Variants in TNIK observed in about 807,000 individuals in gnomAD.
TNIK encodes the protein TRAF2 and NCK-interacting protein kinase.
A neutral mutation model predicts 191.3 loss-of-function variants in TNIK; 49 were observed. The observed-to-expected ratio is 0.26, with a 90% confidence interval of 0.20 to 0.32. TNIK has a LOEUF of 0.32. TNIK is among the 10% of genes least tolerant of loss of function. The pLI is 1.00. For missense variants in TNIK, 1,155 were observed against 1,702.3 expected (o/e 0.68, Z 5.66); for synonymous variants, 594 against 600.9 (o/e 0.99, Z 0.17).
Position 171,087,434 on chromosome 3 carries a change from G to C in TNIK, c.2794C>G (p.Leu932Val). ...GFAGHINLPD[L>V]VQQSHSPAGT... is the part of the protein sequence containing the mutation. ...GCTGGAGAATGGCTCTGCTGCACCA[G>C]GTCAGGGAGGTTGATGTGGCCAGCA... Residue 932 changes from leucine (L) to valine (V), a missense_variant, in exon 24 of 33, where the codon CTG becomes GTG. This residue lies in a region of TNIK where 735 missense variants were observed against 848.0 expected (regional missense o/e 0.87). Coordinates refer to ENST00000436636, the MANE Select transcript of TNIK (RefSeq NM_015028.4). 1 of 1,613,978 alleles carries C rather than the reference G, an allele frequency of 6.2e-7. No homozygotes were observed.
chr3:171,243,051 G>T (rs1577227426), intron 2 of TNIK, among the ~76,000 whole-genome samples: 1 of 152,062 alleles, frequency 6.6e-6, no homozygotes, highest in Admixed American at 6.5e-5. Flanking sequence ...TTTCAATAAG[G>T]CTCTAGGCAA....
At chr3:171,220,368 G>GTACCCCAGAACT (rs1742153123) in intron 3 of TNIK, among the ~76,000 whole-genome samples, 2 of 152,112 alleles carry the variant, frequency 1.3e-5, no homozygotes, top group Non-Finnish European at 2.9e-5. Flanking sequence ...TTCTGCACAT[G>GTACCCCAGAACT]TACCCCAGAA....
intron 1 of TNIK, among the ~76,000 whole-genome samples, chr3:171,431,116 G>T (rs770764066): frequency 2.0e-5 from 3 of 151,950 alleles, no homozygotes; most frequent in Non-Finnish European, 2.9e-5. Flanking sequence ...ATTAAGCAAA[G>T]AATCTTCTTT....
chr3:171,288,395 C>T (rs957745091), intron 2 of TNIK, among the ~76,000 whole-genome samples: 2 of 151,322 alleles, frequency 1.3e-5, no homozygotes, highest in Non-Finnish European at 1.5e-5. Flanking sequence ...CCCACAGAAA[C>T]GAACTTTCCA....
chr3:171,361,614 T>C (rs1714986109), intron 2 of TNIK, among the ~76,000 whole-genome samples: 1 of 152,086 alleles, frequency 6.6e-6, no homozygotes, highest in African/African-American at 2.4e-5. Flanking sequence ...GGAAGTAAAA[T>C]TGTTACCTTT....
chr3:171,091,401 C>T (rs977538117), intron 23 of TNIK, among the ~76,000 whole-genome samples: 17 of 152,166 alleles, frequency 1.1e-4, no homozygotes, highest in African/African-American at 4.1e-4. Context: ...TATGGCAGAT[C>T]ATGGGACTTC....
At chr3:171,191,302 C>T (rs998371141) in intron 5 of TNIK, among the ~76,000 whole-genome samples, 3 of 152,202 alleles carry the variant, frequency 2.0e-5, no homozygotes, top group Admixed American at 6.5e-5. Flanking sequence ...GGCTGGAGTG[C>T]AATGGCGTGG....
chr3:171,139,612 C>A (rs1395029532), intron 13 of TNIK, 56 bp from the exon 14 acceptor site: 1 of 1,574,042 alleles, frequency 6.4e-7, no homozygotes, highest in Admixed American at 1.7e-5. Flanking sequence ...GAGAAATGAA[C>A]CAGTAATTTC....
chr3:171,128,887 CAAA>C lies in TNIK; in HGVS notation c.1609-12_1609-10del, dbSNP rs59293515. On this transcript the variant is annotated splice_polypyrimidine_tract_variant and intron_variant, in intron 15 of 32. Coordinates refer to ENST00000436636, the MANE Select transcript of TNIK (RefSeq NM_015028.4). Reference sequence around the variant, plus strand: ...CTTGACCGTTCTTCTACCTACAACCCAAAAAAAAAAAAAAAAAAAAGACAGCCT... The same window carrying C: ...CTTGACCGTTCTTCTACCTACAACCCAAAAAAAAAAAAAAAAAGACAGCCT... 9,103 of 1,214,948 alleles carry C rather than the reference CAAA, an allele frequency of 7.5e-3. No homozygotes were observed. The highest frequency in any genetic ancestry group is 0.019 in the East Asian group (619 of 32,316). The allele number at this position is 1,214,948 out of a possible 1,614,324, so 75.3% of individuals were successfully genotyped here.
At chr3:171,431,288 T>C (rs576062692) in intron 1 of TNIK, among the ~76,000 whole-genome samples, 1 of 152,290 alleles carries the variant, frequency 6.6e-6, no homozygotes, top group East Asian at 1.9e-4. Flanking sequence ...GCAAACAGAA[T>C]ACAGTGGTAG....
intron 1 of TNIK, among the ~76,000 whole-genome samples, chr3:171,370,920 A>G (rs902952): frequency 0.85 from 129,738 of 152,112 alleles, 55,905 homozygotes; most frequent in Non-Finnish European, 0.92. Flanking sequence ...ACACTTACAT[A>G]AGAGCAATGC....
intron 32 of TNIK, among the ~76,000 whole-genome samples, chr3:171,064,483 TTAAA>T (rs1718172839): frequency 6.6e-6 from 1 of 152,170 alleles, no homozygotes; most frequent in Non-Finnish European, 1.5e-5. Flanking sequence ...GATAAAAACA[TTAAA>T]TAGTGTGGTC....
At chr3:171,456,181 T>C (rs1190791543) in intron 1 of TNIK, among the ~76,000 whole-genome samples, 1 of 152,190 alleles carries the variant, frequency 6.6e-6, no homozygotes, top group Non-Finnish European at 1.5e-5. Flanking sequence ...CTTGAATGCC[T>C]TACCCTGTGG....
At chr3:171,257,694 T>C (rs995294419) in intron 2 of TNIK, among the ~76,000 whole-genome samples, 2 of 152,182 alleles carry the variant, frequency 1.3e-5, no homozygotes, top group Non-Finnish European at 1.5e-5. Flanking sequence ...AAAAGCACTG[T>C]CCGCCAAGAT....
intron 2 of TNIK, among the ~76,000 whole-genome samples, chr3:171,236,445 C>T (rs1744279316): frequency 6.6e-6 from 1 of 152,130 alleles, no homozygotes; most frequent in African/African-American, 2.4e-5. Flanking sequence ...AACTAGGTCA[C>T]TGAAATAGGC....
At chr3:171,363,167 A>T (rs1039895081) in intron 2 of TNIK, among the ~76,000 whole-genome samples, 1 of 152,196 alleles carries the variant, frequency 6.6e-6, no homozygotes, top group African/African-American at 2.4e-5. Flanking sequence ...CTTGCAATGC[A>T]CAGTACAGCC....
At chr3:171,379,542 T>G (rs923278782) in intron 1 of TNIK, among the ~76,000 whole-genome samples, 1 of 152,168 alleles carries the variant, frequency 6.6e-6, no homozygotes, top group Non-Finnish European at 1.5e-5. Flanking sequence ...CCCAACTGTG[T>G]GTTCAGAGAC....
chr3:171,295,005 A>G (rs888971168), intron 2 of TNIK, among the ~76,000 whole-genome samples: 1 of 146,596 alleles, frequency 6.8e-6, no homozygotes, highest in Non-Finnish European at 1.5e-5. Flanking sequence ...CTGGCCAGGG[A>G]AGAGAGAGAG....
intron 9 of TNIK, 73 bp from the exon 10 acceptor site, chr3:171,167,343 T>C: frequency 1.3e-6 from 2 of 1,551,084 alleles, no homozygotes; most frequent in Non-Finnish European, 8.7e-7. Context: ...ATTTCTGAAA[T>C]GCTGGGACTT....
Sources: gnomAD v4.1 joint callset for allele counts (sites outside exome capture counted in the v4.1 genomes callset) on GRCh38, gnomAD v4.1.1 for gene constraint, gnomAD v4.1.1 regional missense constraint, MANE v1.5 for transcripts, NCBI Gene and HGNC (gene_info 2026-07-23, HGNC 2026-07-21) for gene names.